TBC1D1: variants seen among roughly 807,000 people sequenced by gnomAD.
TBC1D1 encodes TBC1 domain family member 1.
Under a neutral mutation model 125.6 loss-of-function variants are expected in TBC1D1, and 89 were observed. That is an observed-to-expected ratio of 0.71 (90% CI 0.60 to 0.85). The LOEUF (loss-of-function observed/expected upper bound fraction) is 0.85, where lower values mean the gene tolerates loss of function less well. Ranked by LOEUF, TBC1D1 falls within the 40% of genes least tolerant of loss-of-function variation. The probability of loss-of-function intolerance (pLI) is 0.00; values close to 1 mark genes in which losing one functional copy is unlikely to be tolerated. For missense variants in TBC1D1, 1,377 were observed against 1,469.2 expected, an observed-to-expected ratio of 0.94 and a Z score of 1.03; for synonymous variants, 565 against 564.1, an observed-to-expected ratio of 1.00 and a Z score of -0.02.
intron 7 of TBC1D1, among the ~76,000 whole-genome samples, chr4:38,033,270 A>G (rs1234165068): frequency 1.3e-5 from 2 of 152,224 alleles, no homozygotes; most frequent in Admixed American, 6.5e-5. Context: ...GGAGATAGCC[A>G]GAAGGTTTAA....
chr4:38,032,190 G>A (rs183848562), intron 7 of TBC1D1, among the ~76,000 whole-genome samples: 18 of 152,248 alleles, frequency 1.2e-4, no homozygotes, highest in Non-Finnish European at 2.2e-4. Context: ...ATGGTGGTGC[G>A]CACCTGTAGT....
At chr4:37,907,784 C>G (rs934452189) in intron 2 of TBC1D1, among the ~76,000 whole-genome samples, 4 of 152,174 alleles carry the variant, frequency 2.6e-5, no homozygotes, top group Non-Finnish European at 5.9e-5. Context: ...GAAACATTCT[C>G]AAGTCTAAGA....
chr4:37,948,766 AC>A (rs1161096800), intron 2 of TBC1D1, among the ~76,000 whole-genome samples: 2 of 151,886 alleles, frequency 1.3e-5, no homozygotes, highest in East Asian at 3.8e-4. Flanking sequence ...ATCAGCTGTC[AC>A]CCCCCGTCTT....
intron 15 of TBC1D1, among the ~76,000 whole-genome samples, chr4:38,111,026 T>C (rs1204759666): frequency 6.6e-6 from 1 of 152,162 alleles, no homozygotes; most frequent in African/African-American, 2.4e-5. Context: ...AGGGGCTGAG[T>C]GTGTTCTCAG....
chr4:38,076,694 A>G (rs983239750), intron 12 of TBC1D1, among the ~76,000 whole-genome samples: 1 of 152,166 alleles, frequency 6.6e-6, no homozygotes, highest in Admixed American at 6.5e-5. Context: ...TATCTTAGGG[A>G]GGTAGGATTA....
chr4:37,906,908 C>T (rs1403829873), intron 2 of TBC1D1, among the ~76,000 whole-genome samples: 3 of 152,206 alleles, frequency 2.0e-5, no homozygotes, highest in South Asian at 2.1e-4. Context: ...CAAAGACCAT[C>T]GGTTTATTTG....
At chr4:37,961,154 A>C in intron 2 of TBC1D1, 1 of 1,151,736 alleles carries the variant, frequency 8.7e-7, no homozygotes, top group East Asian at 2.5e-5. Flanking sequence ...CTTTATGTGC[A>C]TCTGTCTCAG....
rs1765840959 is a variant in TBC1D1 at position 38,132,959 on chromosome 4, C to G, written c.3133-125C>G. 7.5e-6 allele frequency: 5 copies of G among 667,036 alleles called. No homozygotes were observed. The South Asian group carries it at 1.3e-4, about 18-fold the overall frequency. The allele number at this position is 667,036 out of a possible 1,614,324, so 41.3% of individuals were successfully genotyped here. On this transcript the variant is annotated intron_variant, in intron 18 of 19. Coordinates refer to ENST00000261439, the MANE Select transcript of TBC1D1 (RefSeq NM_015173.4). ...TTTTCTTATTTATTACTTCTAGTAC[C>G]AAGTGTAGAGCTAAGCGTAGAGGAG...
At chr4:38,132,412 G>T (rs1472604228) in intron 18 of TBC1D1, among the ~76,000 whole-genome samples, 1 of 152,200 alleles carries the variant, frequency 6.6e-6, no homozygotes, top group Non-Finnish European at 1.5e-5. Flanking sequence ...GACACGGACG[G>T]CTTGAGTCAC....
At chr4:38,129,145 A>C (rs1374784215) in intron 18 of TBC1D1, among the ~76,000 whole-genome samples, 1 of 152,104 alleles carries the variant, frequency 6.6e-6, no homozygotes, top group Non-Finnish European at 1.5e-5. Context: ...CATACACACA[A>C]ACAGCTGAGA....
intron 18 of TBC1D1, chr4:38,132,866 G>C (rs1168708783): frequency 6.0e-6 from 2 of 333,554 alleles, no homozygotes; most frequent in African/African-American, 2.2e-5. Flanking sequence ...TGTTACCTTG[G>C]AATTATTTCT....
chr4:37,914,389 G>A (rs778007271), intron 2 of TBC1D1, among the ~76,000 whole-genome samples: 28 of 152,122 alleles, frequency 1.8e-4, no homozygotes, highest in Non-Finnish European at 3.1e-4. Flanking sequence ...GACTGTTGCT[G>A]CAGCCAAAGC....
intron 17 of TBC1D1, 69 bp from the exon 20 acceptor site, chr4:38,124,893 A>C: frequency 1.4e-6 from 2 of 1,381,116 alleles, no homozygotes; most frequent in Non-Finnish European, 2.0e-6. Context: ...ATGTGTGGAA[A>C]AGGCAATGGA....
chr4:38,016,654 C>G (rs933732894), intron 3 of TBC1D1, among the ~76,000 whole-genome samples: 4 of 152,228 alleles, frequency 2.6e-5, no homozygotes, highest in Admixed American at 1.3e-4. Flanking sequence ...TCTCTGTTCA[C>G]TGCTGTCGTT....
intron 2 of TBC1D1, among the ~76,000 whole-genome samples, chr4:38,012,729 A>C (rs1311270087): frequency 6.6e-6 from 1 of 152,178 alleles, no homozygotes; most frequent in Non-Finnish European, 1.5e-5. Context: ...ATTATTTGGC[A>C]GTATAAAAGT....
At chr4:38,052,704 ACACACACACGCGCGCGCGCGCGCG>A (rs1392151875) in intron 11 of TBC1D1, among the ~76,000 whole-genome samples, 44 of 102,714 alleles carry the variant, frequency 4.3e-4, no homozygotes, top group African/African-American at 1.5e-3. Context: ...ATGCGTATAT[ACACACACACGCGCGCGCGCGCGCG>A]CACACACACA....
intron 2 of TBC1D1, among the ~76,000 whole-genome samples, chr4:37,919,005 A>C (rs933448646): frequency 6.6e-6 from 1 of 152,050 alleles, no homozygotes; most frequent in African/African-American, 2.4e-5. Context: ...ACTCCTTATA[A>C]TATAATACCA....
chr4:38,036,325 C>T (rs1747200007), intron 8 of TBC1D1, among the ~76,000 whole-genome samples: 2 of 152,136 alleles, frequency 1.3e-5, no homozygotes, highest in African/African-American at 4.8e-5. Flanking sequence ...TTGGGAGTCC[C>T]TATGTTACAT....
At position 38,027,924 on chromosome 4, in the gene TBC1D1, A is replaced by G. The variant is rs189649154; in HGVS notation, c.1302+45A>G. 546 of 1,418,338 alleles carry G rather than the reference A, an allele frequency of 3.8e-4. 6 individuals are homozygous for G. In the East Asian group the frequency reaches 0.01, roughly 27 times the overall value. The allele number at this position is 1,418,338 out of a possible 1,614,324, so 87.9% of individuals were successfully genotyped here. A position where few individuals can be genotyped will look rare whatever the true frequency, so the allele number is the denominator to read the frequency against. On this transcript the variant is annotated intron_variant, in intron 7 of 19. Transcript: ENST00000261439. ...TTCTAGAAGGAAAGAAAAGGCAGGC[A>G]GCTTACCTGGGAAATGCTATGTGTA...
Sources: allele counts gnomAD v4.1 joint callset (sites outside exome capture counted in the v4.1 genomes callset), GRCh38; gene constraint gnomAD v4.1.1; transcripts MANE v1.5; gene names NCBI Gene and HGNC (gene_info 2026-07-23, HGNC 2026-07-21).